The following ADGRA3 variants were observed in gnomAD, a reference collection of about 807,000 sequenced individuals.
ADGRA3 encodes the protein adhesion G protein-coupled receptor A3.
ADGRA3 carries 56 observed loss-of-function variants against 119.8 expected under a neutral mutation model. The observed-to-expected ratio is 0.47, with a 90% CI of 0.38 to 0.58. The LOEUF (loss-of-function observed/expected upper bound fraction) is 0.58, where lower values mean the gene tolerates loss of function less well. ADGRA3 is among the 20% of genes least tolerant of loss of function. The pLI is 0.00. For missense variants in ADGRA3, 1,516 were observed against 1,649.0 expected (o/e 0.92, Z 1.40); for synonymous variants, 607 against 623.8 (o/e 0.97, Z 0.40).
rs755801564 is a variant in ADGRA3, at chr4:22,420,907, T to C, written c.1788A>G (p.Thr596=). 6.2e-6 allele frequency: 10 copies of C among 1,613,930 alleles called. No individual in the cohort carries two copies. Among genetic ancestry groups the C allele is most frequent in the African/African-American group, 2.7e-5 (2 of 74,922 alleles). Residue 596 remains threonine (T), a synonymous_variant, in exon 12 of 19, where the codon ACA becomes ACG. Coordinates refer to ENST00000334304, the MANE Select transcript of ADGRA3 (RefSeq NM_145290.4). Reference sequence around the variant, plus strand: ...ATACCTTTAGTGCCAGACTCGAAAATGTATTTGAAACATTGCACTTAAAGC... The same window carrying C: ...ATACCTTTAGTGCCAGACTCGAAAACGTATTTGAAACATTGCACTTAAAGC... The part of the protein sequence containing the change: ...QLSFKCNVSN[T]FSSLALKNTI...
chr4:22,506,700 G>GTAAT (rs1172693527), intron 1 of ADGRA3, among the ~76,000 whole-genome samples: 1 of 151,958 alleles, frequency 6.6e-6, no homozygotes, highest in Admixed American at 6.6e-5. Context: ...CTACACATAG[G>GTAAT]TAATTCCCTT....
intron 12 of ADGRA3, among the ~76,000 whole-genome samples, chr4:22,415,080 G>A (rs1366860761): frequency 6.6e-6 from 1 of 152,016 alleles, no homozygotes; most frequent in African/African-American, 2.4e-5. Flanking sequence ...CACACTTGCA[G>A]TCCCCCATGA....
chr4:22,389,236 T>C (rs528913500), intron 17 of ADGRA3, 53 bp from the exon 18 acceptor site: 8 of 1,147,586 alleles, frequency 7.0e-6, no homozygotes, highest in African/African-American at 3.0e-5. Flanking sequence ...TCTTAACATG[T>C]ATCTCTCATA....
intron 3 of ADGRA3, among the ~76,000 whole-genome samples, chr4:22,455,446 A>C (rs1361382318): frequency 6.6e-6 from 1 of 151,834 alleles, no homozygotes; most frequent in Non-Finnish European, 1.5e-5. Flanking sequence ...CAGAAGTTTC[A>C]ACTATAATGA....
intron 7 of ADGRA3, among the ~76,000 whole-genome samples, chr4:22,441,909 C>G (rs1716629927): frequency 6.6e-6 from 1 of 152,164 alleles, no homozygotes; most frequent in South Asian, 2.1e-4. Context: ...TGAATGTCAA[C>G]TCAGAACCTT....
intron 10 of ADGRA3, among the ~76,000 whole-genome samples, chr4:22,432,133 C>T (rs1468392367): frequency 6.6e-6 from 1 of 151,954 alleles, no homozygotes; most frequent in Non-Finnish European, 1.5e-5. Context: ...TTAAAACCCC[C>T]CACCTAAAAA....
At chr4:22,421,652 GT>G (rs1727002912) in intron 11 of ADGRA3, among the ~76,000 whole-genome samples, 1 of 152,078 alleles carries the variant, frequency 6.6e-6, no homozygotes, top group Non-Finnish European at 1.5e-5. Flanking sequence ...AATTTAAATA[GT>G]AGGAAATGGA....
At chr4:22,490,466 A>AT (rs1335026960) in intron 1 of ADGRA3, among the ~76,000 whole-genome samples, 4 of 152,036 alleles carry the variant, frequency 2.6e-5, no homozygotes, top group African/African-American at 4.8e-5. Context: ...TGAGTCTCTG[A>AT]TTTTTTTTCA....
intron 3 of ADGRA3, among the ~76,000 whole-genome samples, chr4:22,460,362 C>T (rs1458506337): frequency 6.6e-6 from 1 of 152,184 alleles, no homozygotes; most frequent in Admixed American, 6.5e-5. Flanking sequence ...CTCTGCTCTA[C>T]CCTATCTGAC....
chr4:22,422,791 G>C (rs1395068303), intron 11 of ADGRA3, among the ~76,000 whole-genome samples: 1 of 152,160 alleles, frequency 6.6e-6, no homozygotes, highest in Non-Finnish European at 1.5e-5. Context: ...CATGGCTAAA[G>C]GATGAGATTT....
chr4:22,456,180 G>A (rs1341553073), intron 3 of ADGRA3, among the ~76,000 whole-genome samples: 1 of 152,058 alleles, frequency 6.6e-6, no homozygotes, highest in Admixed American at 6.5e-5. Context: ...TACCTAACTC[G>A]TTTGTTTTTT....
intron 1 of ADGRA3, among the ~76,000 whole-genome samples, chr4:22,500,956 C>T (rs1169897644): frequency 6.6e-6 from 1 of 152,172 alleles, no homozygotes; most frequent in Non-Finnish European, 1.5e-5. Context: ...AGCTGAGACA[C>T]TCGTCTCCTG....
intron 11 of ADGRA3, among the ~76,000 whole-genome samples, chr4:22,421,451 G>C (rs939344111): frequency 1.3e-5 from 2 of 152,048 alleles, no homozygotes; most frequent in Non-Finnish European, 2.9e-5. Context: ...AGAAATCAGT[G>C]GACCCTCTAA....
chr4:22,423,375 A>C (rs1715794111), intron 11 of ADGRA3, among the ~76,000 whole-genome samples: 1 of 152,194 alleles, frequency 6.6e-6, no homozygotes, highest in Non-Finnish European at 1.5e-5. Context: ...ACAGGAAAAT[A>C]GCAATCTTGA....
At chr4:22,452,362 G>A (rs955151566) in intron 4 of ADGRA3, among the ~76,000 whole-genome samples, 1 of 152,098 alleles carries the variant, frequency 6.6e-6, no homozygotes, top group Non-Finnish European at 1.5e-5. Context: ...ATCTATGCCT[G>A]TAACAAAACT....
intron 5 of ADGRA3, 113 bp downstream of exon 5, chr4:22,447,327 T>C (rs1716865944): frequency 1.5e-5 from 10 of 669,294 alleles, no homozygotes; most frequent in Admixed American, 3.0e-5. Flanking sequence ...AGTGAGACTC[T>C]ACCTTGACAA....
chr4:22,491,397 G>T (rs1345320993), intron 1 of ADGRA3, among the ~76,000 whole-genome samples: 1 of 152,142 alleles, frequency 6.6e-6, no homozygotes, highest in Non-Finnish European at 1.5e-5. Context: ...TAACAATTGG[G>T]TATAATTTTT....
chr4:22,515,683 G>C lies in ADGRA3; in HGVS notation c.102C>G (p.Gly34=), dbSNP rs1719638038. 1.8e-6 allele frequency: 2 copies of C among 1,104,750 alleles called. No individual in the cohort carries two copies. Among genetic ancestry groups the C allele is most frequent in the Non-Finnish European group, 2.2e-6 (2 of 910,284 alleles). The allele number at this position is 1,104,750 out of a possible 1,614,324, so 68.4% of individuals were successfully genotyped here. A position where few individuals can be genotyped will look rare whatever the true frequency, so the allele number is the denominator to read the frequency against. ...AGCCGGCGGGCAGCGCCGCGGCGCCGCCGCCGCCGCCGCCTCCCAGCAGCG... is the reference window on the plus strand; with the variant it reads ...AGCCGGCGGGCAGCGCCGCGGCGCCCCCGCCGCCGCCGCCTCCCAGCAGCG... ...LLALLGGGGG[G]GAAALPAGCK... is the part of the protein sequence containing the mutation. Residue 34 remains glycine, a synonymous_variant, in exon 1 of 19, where the codon GGC becomes GGG. Transcript: ENST00000334304.
At chr4:22,408,812 T>C (rs1437068110) in intron 14 of ADGRA3, among the ~76,000 whole-genome samples, 1 of 152,166 alleles carries the variant, frequency 6.6e-6, no homozygotes, top group Non-Finnish European at 1.5e-5. Context: ...ATAAAACATA[T>C]ACATGAGTAC....
Sources: gnomAD v4.1 joint callset for allele counts (sites outside exome capture counted in the v4.1 genomes callset) on GRCh38, gnomAD v4.1.1 for gene constraint, MANE v1.5 for transcripts, NCBI Gene and HGNC (gene_info 2026-07-23, HGNC 2026-07-21) for gene names.